Variants in EZH2 observed in about 807,000 individuals in gnomAD.
The protein encoded by EZH2 is enhancer of zeste 2 polycomb repressive complex 2 subunit, also known as histone-lysine N-methyltransferase EZH2.
Under a neutral mutation model 98.4 loss-of-function variants are expected in EZH2, and 18 were observed. The observed-to-expected ratio is 0.18, with a 90% confidence interval of 0.13 to 0.27. The LOEUF is 0.27. Among genes scored for constraint, EZH2 ranks in the 10% least tolerant of loss-of-function variants. The pLI, the probability that EZH2 is intolerant of heterozygous loss-of-function variation, is 1.00. For missense variants in EZH2, 470 were observed against 935.1 expected (o/e 0.50, Z 6.49); for synonymous variants, 338 against 312.3 (o/e 1.08, Z -0.87).
chr7:148,809,444 C>G, intron 17 of EZH2, 54 bp from the exon 18 acceptor site: 1 of 1,413,582 alleles, frequency 7.1e-7, no homozygotes, highest in East Asian at 2.3e-5. Context: ...TATAAGTAAA[C>G]CAAGTTATTA....
At chr7:148,823,444 A>G (rs1232878693) in intron 8 of EZH2, among the ~76,000 whole-genome samples, 2 of 152,198 alleles carry the variant, frequency 1.3e-5, no homozygotes, top group Non-Finnish European at 2.9e-5. Flanking sequence ...CCTTATTCCA[A>G]AAAAAGGGAA....
intron 3 of EZH2, among the ~76,000 whole-genome samples, chr7:148,844,958 T>TAA (rs370647018): frequency 2.1e-5 from 3 of 144,768 alleles, no homozygotes; most frequent in African/African-American, 7.6e-5. Context: ...TTGCCTGGAT[T>TAA]AAAAAAAAAA....
intron 8 of EZH2, 89 bp from the exon 9 acceptor site, chr7:148,819,776 G>T: frequency 1.7e-6 from 2 of 1,144,500 alleles, no homozygotes; most frequent in South Asian, 1.4e-5. Flanking sequence ...GTCAATTAAT[G>T]GATTATAATC....
intron 8 of EZH2, among the ~76,000 whole-genome samples, chr7:148,824,984 C>T (rs1807277422): frequency 6.6e-6 from 1 of 152,132 alleles, no homozygotes; most frequent in Admixed American, 6.5e-5. Context: ...AAAAAAATTA[C>T]TCATCTCTGA....
chr7:148,856,515 T>C (rs1816860338), intron 1 of EZH2, among the ~76,000 whole-genome samples: 1 of 151,954 alleles, frequency 6.6e-6, no homozygotes, highest in African/African-American at 2.4e-5. Flanking sequence ...CCAGGAGCAA[T>C]AAAATAAGCA....
At chr7:148,835,079 C>T (rs550740331) in intron 3 of EZH2, among the ~76,000 whole-genome samples, 1 of 152,316 alleles carries the variant, frequency 6.6e-6, no homozygotes, top group African/African-American at 2.4e-5. Context: ...CCTTGCAATG[C>T]TCATGGGGTA....
intron 15 of EZH2, among the ~76,000 whole-genome samples, chr7:148,813,256 A>G (rs1329324630): frequency 3.3e-5 from 5 of 152,064 alleles, no homozygotes; most frequent in East Asian, 3.9e-4. Context: ...AACAGTGCCT[A>G]TTTTTACATG....
chr7:148,825,769 A>G (rs111654871), intron 8 of EZH2, among the ~76,000 whole-genome samples: 47 of 152,224 alleles, frequency 3.1e-4, no homozygotes, highest in Non-Finnish European at 1.2e-4. Context: ...CCAAACTATA[A>G]TAAGCAAACT....
rs370165251 is a variant in EZH2 at position 148,858,840 on chromosome 7, CT to C, written c.-7-11536del. Among the ~76,000 whole-genome samples, 585 of 152,252 alleles carry C rather than the reference CT, an allele frequency of 3.8e-3. 2 individuals carry two copies. Among genetic ancestry groups the C allele is most frequent in the African/African-American group, 0.014 (565 of 41,526 alleles). On this transcript the variant is annotated intron_variant, in intron 1 of 19. Coordinates refer to ENST00000320356, the MANE Select transcript of EZH2 (RefSeq NM_004456.5). Reference sequence around the variant, plus strand: ...AGCAGCCTATATGATGACATGTCTACTTGAAGAGATAATGCACTTTTAGGCT... The same window carrying C: ...AGCAGCCTATATGATGACATGTCTACTGAAGAGATAATGCACTTTTAGGCT...
At chr7:148,872,328 TG>T (rs1208321540) in intron 1 of EZH2, among the ~76,000 whole-genome samples, 5 of 152,030 alleles carry the variant, frequency 3.3e-5, no homozygotes, top group African/African-American at 1.2e-4. Context: ...GCCAAGAATT[TG>T]GGGGGAGGGG....
At chr7:148,826,208 G>GAA (rs910671757) in intron 8 of EZH2, among the ~76,000 whole-genome samples, 2 of 138,746 alleles carry the variant, frequency 1.4e-5, no homozygotes, top group African/African-American at 2.6e-5. Flanking sequence ...ACTTACGGGG[G>GAA]AAAAAAAAAA....
intron 1 of EZH2, among the ~76,000 whole-genome samples, chr7:148,883,876 G>C (rs1353940200): frequency 1.3e-5 from 2 of 151,480 alleles, no homozygotes; most frequent in Non-Finnish European, 3.0e-5. Context: ...GACAAGCACC[G>C]GGAAAGGAGC....
intron 3 of EZH2, among the ~76,000 whole-genome samples, chr7:148,843,226 A>T (rs1812944939): frequency 6.6e-6 from 1 of 151,536 alleles, no homozygotes; most frequent in African/African-American, 2.4e-5. Context: ...AAAAAAAAAA[A>T]AATTAGCCCG....
At chr7:148,836,254 G>A (rs1810900604) in intron 3 of EZH2, among the ~76,000 whole-genome samples, 1 of 152,178 alleles carries the variant, frequency 6.6e-6, no homozygotes, top group East Asian at 1.9e-4. Context: ...AGCTAAGAGA[G>A]CACCTATTTA....
rs754868859 is a variant in EZH2 at position 148,829,711 on chromosome 7, A to G, written c.484+17T>C. The G allele has an allele frequency of 2.1e-5, 33 of 1,602,342 alleles. No homozygotes were observed. Among genetic ancestry groups the G allele is most frequent in the Admixed American group, 5.3e-5 (3 of 56,988 alleles). On this transcript the variant is annotated intron_variant, in intron 5 of 19. Transcript: ENST00000320356. The stretch of plus-strand genomic sequence containing the variant: ...TTCTTTAGCCCCTTTTTCCAAGAGA[A>G]GAAGCATATGGCTCACCTCTATCCC...
At chr7:148,874,774 T>C (rs1006020075) in intron 1 of EZH2, among the ~76,000 whole-genome samples, 3 of 151,460 alleles carry the variant, frequency 2.0e-5, no homozygotes, top group Middle Eastern at 3.2e-3. Flanking sequence ...TCCATTTCTA[T>C]AATAAAAAAA....
chr7:148,852,637 T>C (rs1673116276), intron 1 of EZH2, among the ~76,000 whole-genome samples: 2 of 152,162 alleles, frequency 1.3e-5, no homozygotes, highest in African/African-American at 4.8e-5. Context: ...CAAGGACTTG[T>C]TGGAAGCCAT....
chr7:148,858,693 T>C (rs1318009267), intron 1 of EZH2, among the ~76,000 whole-genome samples: 1 of 152,054 alleles, frequency 6.6e-6, no homozygotes, highest in Non-Finnish European at 1.5e-5. Context: ...ACCCAGCTAA[T>C]TTTTTTTAAT....
At chr7:148,843,972 T>C (rs1418984012) in intron 3 of EZH2, among the ~76,000 whole-genome samples, 2 of 152,212 alleles carry the variant, frequency 1.3e-5, no homozygotes, top group South Asian at 2.1e-4. Flanking sequence ...AGGATTTAAA[T>C]TGAAGACACC....
Sources: allele counts gnomAD v4.1 joint callset (sites outside exome capture counted in the v4.1 genomes callset), GRCh38; gene constraint gnomAD v4.1.1; transcripts MANE v1.5; gene names NCBI Gene and HGNC (gene_info 2026-07-23, HGNC 2026-07-21).